Variants in SLIT2 observed in about 807,000 individuals in gnomAD.
The protein encoded by SLIT2 is slit homolog 2 protein.
Under a neutral mutation model 185.7 loss-of-function variants are expected in SLIT2, and 41 were observed. The observed-to-expected ratio is 0.22, with a 90% confidence interval of 0.17 to 0.29. The LOEUF is 0.29. SLIT2 is among the 10% of genes least tolerant of loss of function. The pLI is 1.00. For synonymous variants in SLIT2, 693 were observed against 680.2 expected (o/e 1.02, Z -0.29); for missense variants, 1,571 against 1,909.0 (o/e 0.82, Z 3.30).
chr4:20,450,147 A>G (rs1200415782), intron 4 of SLIT2, among the ~76,000 whole-genome samples: 1 of 152,210 alleles, frequency 6.6e-6, no homozygotes, highest in Non-Finnish European at 1.5e-5. Context: ...TTGAATCTTC[A>G]TGGTATTTTG....
At chr4:20,297,257 G>A (rs575274900) in intron 4 of SLIT2, among the ~76,000 whole-genome samples, 5 of 152,126 alleles carry the variant, frequency 3.3e-5, no homozygotes, top group Non-Finnish European at 7.4e-5. Flanking sequence ...TAGTTCGTAT[G>A]TTTACTAATA....
chr4:20,442,154 T>C (rs926011667), intron 4 of SLIT2, among the ~76,000 whole-genome samples: 1 of 151,732 alleles, frequency 6.6e-6, no homozygotes, highest in African/African-American at 2.4e-5. Context: ...CAGATTGCGG[T>C]GGTGGGCAGG....
At position 20,471,198 on chromosome 4, in the gene SLIT2, G is replaced by A. The variant is rs533926479; in HGVS notation, c.467+3375G>A. Among the ~76,000 whole-genome samples the A allele has an allele frequency of 7.2e-5, 11 of 152,118 alleles. No homozygotes were observed. The East Asian group carries it at 1.7e-3, about 24-fold the overall frequency. On this transcript the variant is annotated intron_variant, in intron 5 of 36. Coordinates refer to ENST00000504154, the MANE Select transcript of SLIT2 (RefSeq NM_004787.4). ...TATTATAAAAATTTTACATTAAAAG[G>A]CATTTTCTAGGATTAAAAAATAGTT...
chr4:20,567,756 C>A (rs888781672), intron 28 of SLIT2, 141 bp downstream of exon 28: 2 of 659,256 alleles, frequency 3.0e-6, no homozygotes, highest in Non-Finnish European at 5.4e-6. Context: ...TGGTCCCTCT[C>A]GTAGATATTG....
At chr4:20,511,247 AATT>A in intron 11 of SLIT2, 110 bp downstream of exon 11, 1 of 599,430 alleles carries the variant, frequency 1.7e-6, no homozygotes, top group Non-Finnish European at 3.0e-6. Flanking sequence ...ATGAATAATG[AATT>A]ATTAATAATG....
intron 33 of SLIT2, among the ~76,000 whole-genome samples, chr4:20,599,220 C>T (rs895479644): frequency 2.0e-5 from 3 of 152,054 alleles, no homozygotes; most frequent in African/African-American, 4.8e-5. Context: ...ATACTGGAGA[C>T]GTGAAATGGG....
chr4:20,357,940 TTTTTCC>T (rs1489620981), intron 4 of SLIT2, among the ~76,000 whole-genome samples: 1 of 152,140 alleles, frequency 6.6e-6, no homozygotes, highest in African/African-American at 2.4e-5. Context: ...ATTTTAATAC[TTTTTCC>T]TTATTTATTT....
At chr4:20,371,453 T>C (rs894647455) in intron 4 of SLIT2, among the ~76,000 whole-genome samples, 7 of 152,142 alleles carry the variant, frequency 4.6e-5, no homozygotes, top group Admixed American at 2.0e-4. Context: ...CATGTTCCTG[T>C]AACCATATTG....
intron 4 of SLIT2, among the ~76,000 whole-genome samples, chr4:20,456,243 GT>G (rs1327956945): frequency 6.6e-6 from 1 of 152,092 alleles, no homozygotes; most frequent in Non-Finnish European, 1.5e-5. Context: ...TCTAGTCAGT[GT>G]TTTAGAATCC....
intron 3 of SLIT2, among the ~76,000 whole-genome samples, chr4:20,267,725 T>A (rs1048219709): frequency 1.1e-4 from 17 of 151,870 alleles, no homozygotes; most frequent in Non-Finnish European, 2.2e-4. Context: ...AGTATAATTC[T>A]GCATCTACCC....
At chr4:20,490,449 G>A (rs2148795607) in intron 8 of SLIT2, among the ~76,000 whole-genome samples, 1 of 152,140 alleles carries the variant, frequency 6.6e-6, no homozygotes. Flanking sequence ...ATGTGTGGGT[G>A]TGTGTGTATA....
At chr4:20,293,337 A>G (rs990311619) in intron 4 of SLIT2, among the ~76,000 whole-genome samples, 1 of 152,218 alleles carries the variant, frequency 6.6e-6, no homozygotes, top group African/African-American at 2.4e-5. Flanking sequence ...CAAAAATAAT[A>G]CCATAGTCCA....
intron 3 of SLIT2, among the ~76,000 whole-genome samples, chr4:20,260,042 A>T (rs995892079): frequency 5.9e-5 from 9 of 151,890 alleles, no homozygotes; most frequent in Non-Finnish European, 1.3e-4. Flanking sequence ...AATACATTAA[A>T]TGGCAAGGCA....
At chr4:20,448,936 C>T (rs1712144286) in intron 4 of SLIT2, among the ~76,000 whole-genome samples, 1 of 151,966 alleles carries the variant, frequency 6.6e-6, no homozygotes, top group East Asian at 1.9e-4. Context: ...GCGCCTGGCC[C>T]CAAAGTATTA....
At chr4:20,593,835 A>G (rs73252498) in intron 30 of SLIT2, among the ~76,000 whole-genome samples, 1 of 152,134 alleles carries the variant, frequency 6.6e-6, no homozygotes, top group Non-Finnish European at 1.5e-5. Context: ...CGGGGTACAA[A>G]CACAGTTCTG....
intron 4 of SLIT2, among the ~76,000 whole-genome samples, chr4:20,298,306 C>G (rs1010091249): frequency 6.6e-6 from 1 of 152,026 alleles, no homozygotes; most frequent in Admixed American, 6.6e-5. Flanking sequence ...TCAGGCTGGT[C>G]TTGAACTCCC....
chr4:20,606,804 AAATG>A (rs1728827670), intron 33 of SLIT2, among the ~76,000 whole-genome samples: 1 of 152,238 alleles, frequency 6.6e-6, no homozygotes, highest in Non-Finnish European at 1.5e-5. Flanking sequence ...GTTTTTTAGT[AAATG>A]AATCAAGTTT....
rs1011106364 is a variant in SLIT2, at chr4:20,610,434, T to C, written c.3847+267T>C. 1.9e-4 allele frequency among the ~76,000 whole-genome samples: 29 copies of C among 152,352 alleles called. 1 individual carries two copies. Among genetic ancestry groups the C allele is most frequent in the African/African-American group, 6.5e-4 (27 of 41,592 alleles). On this transcript the variant is annotated intron_variant, in intron 34 of 36. Coordinates refer to ENST00000504154, the MANE Select transcript of SLIT2 (RefSeq NM_004787.4). ...ATATTTCTTTTGTGTCAATCACATA[T>C]GCTAGGTGATTTATACATTATATAA...
chr4:20,468,084 G>T (rs1386617827), intron 5 of SLIT2, among the ~76,000 whole-genome samples: 1 of 152,014 alleles, frequency 6.6e-6, no homozygotes, highest in Non-Finnish European at 1.5e-5. Context: ...CCTATGAAGT[G>T]ATTTGATTCG....
Sources: gnomAD v4.1 joint callset for allele counts (sites outside exome capture counted in the v4.1 genomes callset) on GRCh38, gnomAD v4.1.1 for gene constraint, MANE v1.5 for transcripts, NCBI Gene and HGNC (gene_info 2026-07-23, HGNC 2026-07-21) for gene names.